CATSPERE: variants seen among roughly 807,000 people sequenced by gnomAD.
The protein encoded by CATSPERE is catsper channel auxiliary subunit epsilon, also known as cation channel sperm-associated auxiliary subunit epsilon.
In CATSPERE, 93 loss-of-function variants were observed where a neutral mutation model predicts 114.1. The observed-to-expected ratio is 0.81, with a 90% CI of 0.69 to 0.97. The LOEUF is 0.97. CATSPERE is among the 50% of genes least tolerant of loss of function. The probability of loss-of-function intolerance (pLI) is 0.00; values close to 1 mark genes in which losing one functional copy is unlikely to be tolerated. For missense variants in CATSPERE, 1,058 were observed against 1,131.6 expected, an observed-to-expected ratio of 0.93 and a Z score of 0.93; for synonymous variants, 341 against 384.1, an observed-to-expected ratio of 0.89 and a Z score of 1.31.
intron 19 of CATSPERE, among the ~76,000 whole-genome samples, chr1:244,615,974 A>G (rs924103408): frequency 1.4e-5 from 2 of 142,158 alleles, no homozygotes; most frequent in African/African-American, 2.6e-5. Flanking sequence ...AAAAAAAAGT[A>G]AAAAATTAGC....
At chr1:244,601,782 G>A (rs139593787) in intron 17 of CATSPERE, among the ~76,000 whole-genome samples, 5 of 152,162 alleles carry the variant, frequency 3.3e-5, no homozygotes, top group Admixed American at 2.6e-4. Context: ...GTGAAACCCC[G>A]TCTCTACTAA....
intron 5 of CATSPERE, among the ~76,000 whole-genome samples, chr1:244,486,750 T>C (rs10927239): frequency 8.2e-4 from 59 of 71,992 alleles, no homozygotes; most frequent in Middle Eastern, 0.01. Context: ...AGGTGTAGAC[T>C]CTCGTAGTCA....
Position 244,621,131 on chromosome 1 carries a change from A to ATATC in CATSPERE, c.2648+3448_2648+3449insCTAT, listed in dbSNP as rs1558609752. On this transcript the variant is annotated intron_variant, in intron 20 of 21. Transcript: ENST00000366534. ...ATATATATATAATATATATATAAAT[A>ATATC]TATATAAAATATATATATTATAAAA... Among the ~76,000 whole-genome samples, 8 of 24,720 alleles carry ATATC rather than the reference A, an allele frequency of 3.2e-4. 2 individuals carry two copies. Among genetic ancestry groups the ATATC allele is most frequent in the Non-Finnish European group, 4.3e-4 (5 of 11,638 alleles). 16.2% of individuals were successfully genotyped at this position (24,720 alleles called of 152,430 possible).
intron 18 of CATSPERE, among the ~76,000 whole-genome samples, chr1:244,606,355 C>T (rs1375851790): frequency 6.6e-6 from 1 of 152,090 alleles, no homozygotes; most frequent in Non-Finnish European, 1.5e-5. Context: ...CCTGTGTGGG[C>T]CTTCCTGCCC....
chr1:244,525,125 G>A (rs1388490576), intron 8 of CATSPERE, among the ~76,000 whole-genome samples: 1 of 149,706 alleles, frequency 6.7e-6, no homozygotes, highest in Non-Finnish European at 1.5e-5. Context: ...TTAAGAAAAT[G>A]TGGCACATAT....
chr1:244,599,752 G>T (rs562805894), intron 17 of CATSPERE, among the ~76,000 whole-genome samples: 7 of 152,302 alleles, frequency 4.6e-5, no homozygotes, highest in Non-Finnish European at 1.0e-4. Context: ...GATGCAGCGA[G>T]TGGCTTCCTT....
chr1:244,608,465 G>A lies in CATSPERE; in HGVS notation c.2404-1775G>A, dbSNP rs146336355. On this transcript the variant is annotated intron_variant, in intron 18 of 21. Transcript: ENST00000366534. The stretch of plus-strand genomic sequence containing the variant: ...GCGGGAGGATTGCTTGAGCCCAGGA[G>A]GTCAAGGCTGCAGTGAGCTGTGATC... 2.4e-3 allele frequency among the ~76,000 whole-genome samples: 367 copies of A among 151,532 alleles called. 4 individuals are homozygous for A. Among genetic ancestry groups the A allele is most frequent in the East Asian group, 0.014 (71 of 5,138 alleles).
At chr1:244,534,903 T>G (rs568138401) in intron 8 of CATSPERE, among the ~76,000 whole-genome samples, 1 of 152,324 alleles carries the variant, frequency 6.6e-6, no homozygotes, top group East Asian at 1.9e-4. Flanking sequence ...TCTTTACCTA[T>G]CCTTCTTGGG....
chr1:244,603,936 T>C (rs1558577279), intron 17 of CATSPERE, among the ~76,000 whole-genome samples: 1 of 152,194 alleles, frequency 6.6e-6, no homozygotes, highest in Non-Finnish European at 1.5e-5. Flanking sequence ...GGGGTTATAG[T>C]GAGCTATGAT....
chr1:244,477,724 AG>A, intron 3 of CATSPERE, 110 bp downstream of exon 3: 1 of 985,780 alleles, frequency 1.0e-6, no homozygotes, highest in Non-Finnish European at 1.5e-6. Flanking sequence ...TCTTTCATTA[AG>A]TAGATGTGAA....
At chr1:244,513,112 T>A (rs1572488837) in intron 7 of CATSPERE, among the ~76,000 whole-genome samples, 1 of 151,992 alleles carries the variant, frequency 6.6e-6, no homozygotes, top group African/African-American at 2.4e-5. Context: ...CAGATGGGTG[T>A]CAGGTCCGCA....
chr1:244,495,749 A>T (rs1488295729), intron 6 of CATSPERE, among the ~76,000 whole-genome samples: 5 of 152,068 alleles, frequency 3.3e-5, no homozygotes, highest in African/African-American at 1.2e-4. Context: ...AAAATATTTA[A>T]AATGTATAAA....
At chr1:244,488,239 A>AT (rs1335878625) in intron 5 of CATSPERE, among the ~76,000 whole-genome samples, 3 of 152,142 alleles carry the variant, frequency 2.0e-5, no homozygotes, top group African/African-American at 7.2e-5. Context: ...ATTCGATGGG[A>AT]TTTTTTTGAT....
intron 21 of CATSPERE, chr1:244,636,523 G>A (rs1245038758): frequency 6.6e-6 from 1 of 152,200 alleles, no homozygotes; most frequent in Non-Finnish European, 1.5e-5. Flanking sequence ...GGGTTGGTAT[G>A]TTTGATTTAG....
intron 20 of CATSPERE, among the ~76,000 whole-genome samples, chr1:244,632,743 C>G (rs938385937): frequency 6.6e-6 from 1 of 151,524 alleles, no homozygotes; most frequent in Non-Finnish European, 1.5e-5. Flanking sequence ...GAGAAAGGAA[C>G]AACAAAATGA....
rs1428683434 is a variant in CATSPERE, at chr1:244,560,953, G to T, written c.1315G>T (p.Asp439Tyr). Residue 439 changes from aspartate (D) to tyrosine (Y), a missense_variant, in exon 10 of 22, where the codon GAT (aspartate) becomes TAT (tyrosine). Asp to Tyr is a radical substitution (Grantham distance 160). This residue lies in a region of CATSPERE where 787 missense variants were observed against 905.6 expected (regional missense o/e 0.87). Transcript: ENST00000366534. ...KQWVSQDFTL[D>Y]APIDSVTMPH... ...GTGGGTTTCCCAAGACTTTACATTA[G>T]ATGCCCCTATTGACAGTGTTACCAT... is the stretch of plus-strand genomic sequence containing the variant. 3.1e-6 allele frequency: 5 copies of T among 1,613,948 alleles called. No individual in the cohort carries two copies. In the African/African-American group the frequency reaches 5.3e-5, roughly 17 times the overall value.
In CATSPERE at chr1:244,565,728, TTTCATAGA is replaced by T. The variant is rs199531144; in HGVS notation, c.1507+4602_1507+4609del. ...TTGATTTTTTTCATAGATTCATAGA[TTTCATAGA>T]TTCATAGATTCATAGATTTCAAGAT... is the stretch of plus-strand genomic sequence containing the variant. On this transcript the variant is annotated intron_variant, in intron 10 of 21. Coordinates refer to ENST00000366534, the MANE Select transcript of CATSPERE (RefSeq NM_001130957.2). Among the ~76,000 whole-genome samples, 1,471 of 151,574 alleles carry T rather than the reference TTTCATAGA, an allele frequency of 9.7e-3. 28 individuals are homozygous for T. The highest frequency in any genetic ancestry group is 0.033 in the African/African-American group (1,339 of 40,902).
At chr1:244,519,479 G>T (rs3006053) in intron 8 of CATSPERE, among the ~76,000 whole-genome samples, 19,617 of 152,164 alleles carry the variant, frequency 0.13, 2,205 homozygotes, top group African/African-American at 0.3. Flanking sequence ...TGTGTGGAGT[G>T]TGCATGCTCT....
chr1:244,623,920 T>C (rs573708976), intron 20 of CATSPERE, among the ~76,000 whole-genome samples: 14 of 152,268 alleles, frequency 9.2e-5, no homozygotes, highest in African/African-American at 3.4e-4. Flanking sequence ...TGATGGATGC[T>C]GACTAATTGG....
Sources: allele counts gnomAD v4.1 joint callset (sites outside exome capture counted in the v4.1 genomes callset), GRCh38; gene constraint gnomAD v4.1.1; regional missense constraint gnomAD v4.1.1; transcripts MANE v1.5; gene names NCBI Gene and HGNC (gene_info 2026-07-23, HGNC 2026-07-21).